The following OTUD7A variants were observed in gnomAD, a reference collection of about 807,000 sequenced individuals.
OTUD7A encodes the protein OTU domain-containing protein 7A.
Under a neutral mutation model 65.7 loss-of-function variants are expected in OTUD7A, and 12 were observed. The observed-to-expected ratio is 0.18, with a 90% confidence interval of 0.12 to 0.30. OTUD7A has a LOEUF of 0.30. OTUD7A is among the 10% of genes least tolerant of loss of function. The pLI, the probability that OTUD7A is intolerant of heterozygous loss-of-function variation, is 1.00. For synonymous variants in OTUD7A, 641 were observed against 586.3 expected (o/e 1.09, Z -1.35); for missense variants, 1,148 against 1,304.8 (o/e 0.88, Z 1.85).
At chr15:31,700,561 C>T (rs1374194455) in intron 1 of OTUD7A, among the ~76,000 whole-genome samples, 1 of 152,248 alleles carries the variant, frequency 6.6e-6, no homozygotes, top group Non-Finnish European at 1.5e-5. Context: ...TTTCCTCTAT[C>T]TCTTTCTCTG....
At chr15:31,612,537 C>A (rs918577302) in intron 3 of OTUD7A, among the ~76,000 whole-genome samples, 7 of 152,126 alleles carry the variant, frequency 4.6e-5, no homozygotes, top group African/African-American at 1.7e-4. Flanking sequence ...AACTCAACCC[C>A]TTTTACAATA....
chr15:31,531,490 C>A (rs1887618728), intron 5 of OTUD7A, among the ~76,000 whole-genome samples: 1 of 108,156 alleles, frequency 9.2e-6, no homozygotes, highest in Non-Finnish European at 1.8e-5. Flanking sequence ...AGATTAGATA[C>A]TGTAAAAACG....
intron 1 of OTUD7A, among the ~76,000 whole-genome samples, chr15:31,790,363 G>A (rs1013964577): frequency 8.5e-5 from 13 of 152,246 alleles, no homozygotes; most frequent in Non-Finnish European, 4.4e-5. Context: ...CTTTGAGAAC[G>A]TCTGCCCTGA....
intron 1 of OTUD7A, among the ~76,000 whole-genome samples, chr15:31,756,771 T>C (rs889941013): frequency 3.3e-5 from 5 of 152,082 alleles, no homozygotes; most frequent in Non-Finnish European, 5.9e-5. Context: ...TGAAATCAGC[T>C]TACAATTTAC....
intron 1 of OTUD7A, chr15:31,768,322 G>A (rs1895142717): frequency 1.6e-6 from 1 of 616,670 alleles, no homozygotes; most frequent in East Asian, 2.7e-5. Flanking sequence ...ATAGCATAGA[G>A]GGCTGCGTGG....
At chr15:31,619,777 T>A (rs1890717383) in intron 3 of OTUD7A, among the ~76,000 whole-genome samples, 1 of 152,208 alleles carries the variant, frequency 6.6e-6, no homozygotes, top group African/African-American at 2.4e-5. Context: ...CCTGCCTGAC[T>A]GCCCTGGCCA....
At chr15:31,802,091 G>T in intron 1 of OTUD7A, among the ~76,000 whole-genome samples, 1 of 71,548 alleles carries the variant, frequency 1.4e-5, no homozygotes, top group African/African-American at 4.8e-5. Context: ...GAATATATAT[G>T]TGTGTGTATA....
chr15:31,863,430 C>A (rs1897796889), intron 1 of OTUD7A, among the ~76,000 whole-genome samples: 1 of 152,232 alleles, frequency 6.6e-6, no homozygotes, highest in Non-Finnish European at 1.5e-5. Flanking sequence ...GGCATCCAGG[C>A]ATTTCCATAC....
At chr15:31,663,839 C>G (rs776803465) in intron 1 of OTUD7A, among the ~76,000 whole-genome samples, 1 of 152,074 alleles carries the variant, frequency 6.6e-6, no homozygotes, top group African/African-American at 2.4e-5. Flanking sequence ...ATCCTTCCCC[C>G]CAAGTCCCCA....
chr15:31,542,396 A>G (rs1888012302), intron 5 of OTUD7A, among the ~76,000 whole-genome samples: 1 of 152,130 alleles, frequency 6.6e-6, no homozygotes, highest in African/African-American at 2.4e-5. Flanking sequence ...AAAGTAAAAA[A>G]GTAAGAATCA....
At chr15:31,818,683 T>C (rs989049248) in intron 1 of OTUD7A, among the ~76,000 whole-genome samples, 4 of 152,196 alleles carry the variant, frequency 2.6e-5, no homozygotes, top group African/African-American at 9.6e-5. Context: ...CAGCCCCTGC[T>C]GACTGGGGAT....
intron 1 of OTUD7A, among the ~76,000 whole-genome samples, chr15:31,796,142 CGTGTGT>C (rs145581747): frequency 2.0e-5 from 3 of 148,132 alleles, no homozygotes; most frequent in South Asian, 2.2e-4. Flanking sequence ...GTAAGGGGTG[CGTGTGT>C]GTGTGTGTGT....
At chr15:31,568,962 G>A (rs934268029) in intron 4 of OTUD7A, among the ~76,000 whole-genome samples, 9 of 152,282 alleles carry the variant, frequency 5.9e-5, no homozygotes, top group South Asian at 2.1e-4. Flanking sequence ...GCAGAACCAC[G>A]AGCCAAGAAA....
At chr15:31,663,738 C>T (rs1892238769) in intron 1 of OTUD7A, among the ~76,000 whole-genome samples, 1 of 152,076 alleles carries the variant, frequency 6.6e-6, no homozygotes, top group East Asian at 1.9e-4. Flanking sequence ...GTAAGTTCTT[C>T]AGTGGCGATT....
intron 3 of OTUD7A, among the ~76,000 whole-genome samples, chr15:31,633,072 C>T (rs758276097): frequency 2.0e-5 from 3 of 152,222 alleles, no homozygotes; most frequent in East Asian, 3.8e-4. Context: ...TTGAGCTTCC[C>T]GAGTGAGGCA....
chr15:31,675,439 T>C (rs1892576097), intron 1 of OTUD7A, among the ~76,000 whole-genome samples: 1 of 152,144 alleles, frequency 6.6e-6, no homozygotes, highest in Admixed American at 6.5e-5. Context: ...CTTAACAAAT[T>C]TGAGGAGAAA....
intron 3 of OTUD7A, among the ~76,000 whole-genome samples, chr15:31,589,057 C>T (rs905722693): frequency 3.5e-4 from 53 of 152,294 alleles, no homozygotes; most frequent in African/African-American, 1.3e-3. Context: ...TCGTAGCCTG[C>T]TTAGGCAGAA....
At chr15:31,839,899 T>C (rs759795879) in intron 1 of OTUD7A, among the ~76,000 whole-genome samples, 2 of 152,136 alleles carry the variant, frequency 1.3e-5, no homozygotes, top group African/African-American at 4.8e-5. Flanking sequence ...ACTCACTTAA[T>C]AGATACAAAA....
rs180690944 is a variant in OTUD7A at position 31,611,060 on chromosome 15, G to A, written c.152-40863C>T. On this transcript the variant is annotated intron_variant, in intron 3 of 12. Transcript: ENST00000307050. The stretch of plus-strand genomic sequence containing the variant: ...TAACCTATTCCTGAATGATCATTGG[G>A]TCAAAAATGAAATCAAGATGGAAAT... 3.5e-3 allele frequency among the ~76,000 whole-genome samples: 537 copies of A among 152,128 alleles called. 5 individuals are homozygous for A. The highest frequency in any genetic ancestry group is 0.013 in the African/African-American group (520 of 41,508).
Sources: allele counts gnomAD v4.1 joint callset (sites outside exome capture counted in the v4.1 genomes callset), GRCh38; gene constraint gnomAD v4.1.1; transcripts MANE v1.5; gene names NCBI Gene and HGNC (gene_info 2026-07-23, HGNC 2026-07-21).